Variants in ZNRF2 observed in about 807,000 individuals in gnomAD.
ZNRF2 encodes E3 ubiquitin-protein ligase ZNRF2.
In ZNRF2, 16 loss-of-function variants were observed where a neutral mutation model predicts 20.4. The observed-to-expected ratio is 0.79, with a 90% CI of 0.53 to 1.19. The LOEUF (loss-of-function observed/expected upper bound fraction) is 1.19, where lower values mean the gene tolerates loss of function less well. Among genes scored for constraint, ZNRF2 ranks in the 50% most tolerant of loss-of-function variants. The probability of loss-of-function intolerance (pLI) is 0.00; values close to 1 mark genes in which losing one functional copy is unlikely to be tolerated. For synonymous variants in ZNRF2, 178 were observed against 144.9 expected, an observed-to-expected ratio of 1.23 and a Z score of -1.64; for missense variants, 363 against 332.4, an observed-to-expected ratio of 1.09 and a Z score of -0.72.
In ZNRF2 at chr7:30,303,716, C is replaced by T. The variant is rs138373563; in HGVS notation, c.469+17890C>T. On this transcript the variant is annotated intron_variant, in intron 1 of 4. Coordinates refer to ENST00000323037, the MANE Select transcript of ZNRF2 (RefSeq NM_147128.4). ...TACCCACTGTAGCATTATAGTTGGT[C>T]CCAGACCAGCAGCATCAGCATCTCC... Among the ~76,000 whole-genome samples the T allele has an allele frequency of 8.7e-3, 1,327 of 152,234 alleles. 7 individuals are homozygous for T. Among genetic ancestry groups the T allele is most frequent in the South Asian group, 0.027 (128 of 4,818 alleles).
intron 1 of ZNRF2, among the ~76,000 whole-genome samples, chr7:30,307,238 AATGGC>A (rs1351307630): frequency 6.6e-6 from 1 of 150,822 alleles, no homozygotes; most frequent in Non-Finnish European, 1.5e-5. Context: ...TGCTGTGTCA[AATGGC>A]ATCCATTGTT....
At chr7:30,351,589 A>G (rs927403693) in intron 2 of ZNRF2, among the ~76,000 whole-genome samples, 1 of 152,036 alleles carries the variant, frequency 6.6e-6, no homozygotes, top group Admixed American at 6.6e-5. Context: ...ACGTTGCTTT[A>G]AAGTGAAATT....
intron 1 of ZNRF2, among the ~76,000 whole-genome samples, chr7:30,301,110 C>T (rs1397724639): frequency 6.6e-6 from 1 of 152,160 alleles, no homozygotes; most frequent in African/African-American, 2.4e-5. Context: ...ATCAAGTGGC[C>T]TGGATTGAGA....
At chr7:30,345,023 A>G (rs978975661) in intron 2 of ZNRF2, among the ~76,000 whole-genome samples, 1 of 152,100 alleles carries the variant, frequency 6.6e-6, no homozygotes, top group Non-Finnish European at 1.5e-5. Flanking sequence ...ACTCTTTTTT[A>G]TGACCGGTAT....
At chr7:30,302,519 A>G (rs998014440) in intron 1 of ZNRF2, among the ~76,000 whole-genome samples, 4 of 151,884 alleles carry the variant, frequency 2.6e-5, no homozygotes, top group African/African-American at 9.7e-5. Flanking sequence ...ACAAATGATT[A>G]TGATATAAAT....
At chr7:30,311,262 G>A (rs528232258) in intron 1 of ZNRF2, among the ~76,000 whole-genome samples, 2 of 152,216 alleles carry the variant, frequency 1.3e-5, no homozygotes, top group African/African-American at 4.8e-5. Context: ...TTTACCCCGA[G>A]TGTAATTTCT....
At position 30,315,729 on chromosome 7, in the gene ZNRF2, G is replaced by GC. The variant is rs1162090463; in HGVS notation, c.470-7913_470-7912insC. On this transcript the variant is annotated intron_variant, in intron 1 of 4. Coordinates refer to ENST00000323037, the MANE Select transcript of ZNRF2 (RefSeq NM_147128.4). ...CCTAACTAAAGAAAAAGGTGGGGCGGGGGGGGGGGGGTTGGGTATAAAGAC... is the reference window on the plus strand; with the variant it reads ...CCTAACTAAAGAAAAAGGTGGGGCGGCGGGGGGGGGGGTTGGGTATAAAGAC... 1.3e-3 allele frequency among the ~76,000 whole-genome samples: 112 copies of GC among 88,070 alleles called. 1 individual carries two copies. The highest frequency in any genetic ancestry group is 3.7e-3 in the African/African-American group (98 of 26,496). The allele number at this position is 88,070 out of a possible 152,430, so 57.8% of individuals were successfully genotyped here.
intron 2 of ZNRF2, among the ~76,000 whole-genome samples, chr7:30,352,642 C>T: frequency 6.6e-6 from 1 of 152,028 alleles, no homozygotes; most frequent in Non-Finnish European, 1.5e-5. Flanking sequence ...GAGGAGGAAT[C>T]CAGACTAGCC....
intron 1 of ZNRF2, among the ~76,000 whole-genome samples, chr7:30,295,830 C>T (rs576192139): frequency 6.6e-6 from 1 of 152,308 alleles, no homozygotes; most frequent in East Asian, 1.9e-4. Context: ...ATTGAAACAT[C>T]CAAGATTTAT....
chr7:30,314,409 A>C (rs1799335091), intron 1 of ZNRF2, among the ~76,000 whole-genome samples: 1 of 152,022 alleles, frequency 6.6e-6, no homozygotes, highest in Non-Finnish European at 1.5e-5. Context: ...AGATATTTAT[A>C]GTTATTTTAA....
chr7:30,291,069 T>C (rs1314077878), intron 1 of ZNRF2, among the ~76,000 whole-genome samples: 1 of 152,128 alleles, frequency 6.6e-6, no homozygotes, highest in Non-Finnish European at 1.5e-5. Flanking sequence ...CAGAGGAGGG[T>C]ACGTTTGAAC....
chr7:30,318,332 C>T (rs935363126), intron 1 of ZNRF2, among the ~76,000 whole-genome samples: 1 of 152,098 alleles, frequency 6.6e-6, no homozygotes, highest in Non-Finnish European at 1.5e-5. Context: ...AGGATCAGTT[C>T]TTCTGGGTGA....
chr7:30,334,658 A>G (rs1799689531), intron 2 of ZNRF2, among the ~76,000 whole-genome samples: 1 of 152,228 alleles, frequency 6.6e-6, no homozygotes, highest in Admixed American at 6.5e-5. Context: ...ATTTAATTCC[A>G]AGTTAGAAGT....
At chr7:30,296,904 A>C (rs776093945) in intron 1 of ZNRF2, among the ~76,000 whole-genome samples, 1 of 152,212 alleles carries the variant, frequency 6.6e-6, no homozygotes, top group Non-Finnish European at 1.5e-5. Flanking sequence ...ATGTCATAAG[A>C]AGTCGGTGGT....
At chr7:30,349,842 A>G (rs1305908815) in intron 2 of ZNRF2, among the ~76,000 whole-genome samples, 3 of 151,696 alleles carry the variant, frequency 2.0e-5, no homozygotes, top group Non-Finnish European at 4.4e-5. Context: ...CAATAGTTCC[A>G]TTTTTTTTCT....
intron 4 of ZNRF2, among the ~76,000 whole-genome samples, chr7:30,363,838 C>A (rs1375330794): frequency 6.6e-6 from 1 of 151,928 alleles, no homozygotes; most frequent in Non-Finnish European, 1.5e-5. Context: ...TAATTGCTAT[C>A]TTCAAATATA....
chr7:30,300,874 GTTTC>G (rs1202930308), intron 1 of ZNRF2, among the ~76,000 whole-genome samples: 2 of 152,200 alleles, frequency 1.3e-5, no homozygotes, highest in Non-Finnish European at 2.9e-5. Flanking sequence ...CTGCTTATAT[GTTTC>G]TTTTTTGTTT....
chr7:30,303,830 A>G (rs1799156419), intron 1 of ZNRF2, among the ~76,000 whole-genome samples: 1 of 152,190 alleles, frequency 6.6e-6, no homozygotes, highest in South Asian at 2.1e-4. Context: ...GTGTTCTAAT[A>G]AACCTTCCAG....
At chr7:30,302,157 T>A (rs999129981) in intron 1 of ZNRF2, among the ~76,000 whole-genome samples, 3 of 152,214 alleles carry the variant, frequency 2.0e-5, no homozygotes, top group African/African-American at 7.2e-5. Flanking sequence ...TCTTACTTTT[T>A]AAAAATTACT....
Sources: gnomAD v4.1 joint callset for allele counts (sites outside exome capture counted in the v4.1 genomes callset) on GRCh38, gnomAD v4.1.1 for gene constraint, MANE v1.5 for transcripts, NCBI Gene and HGNC (gene_info 2026-07-23, HGNC 2026-07-21) for gene names.